Variants in GCNT1 observed in about 807,000 individuals in gnomAD.
The protein encoded by GCNT1 is glucosaminyl (N-acetyl) transferase 1.
Under a neutral mutation model 26.2 loss-of-function variants are expected in GCNT1, and 16 were observed. The observed-to-expected ratio is 0.61, with a 90% CI of 0.41 to 0.93. The LOEUF (loss-of-function observed/expected upper bound fraction) is 0.93, where lower values mean the gene tolerates loss of function less well. GCNT1 is among the 40% of genes least tolerant of loss of function. The pLI is 0.00. For synonymous variants in GCNT1, 183 were observed against 190.8 expected (o/e 0.96, Z 0.34); for missense variants, 477 against 526.7 (o/e 0.91, Z 0.92).
At chr9:76,455,642 C>G (rs1169733650), upstream of GCNT1, among the ~76,000 whole-genome samples, 1 of 151,916 alleles carries the variant, frequency 6.6e-6, no homozygotes. Context: ...TGCTCTGTCA[C>G]CCAGGCTGGA....
upstream of GCNT1, among the ~76,000 whole-genome samples, chr9:76,437,818 T>C (rs987282806): frequency 6.6e-6 from 1 of 152,164 alleles, no homozygotes; most frequent in African/African-American, 2.4e-5. Flanking sequence ...GGTGGCTATT[T>C]TGATATAGAG....
Position 76,462,924 on chromosome 9 carries a change from A to G in GCNT1, c.-290+2747A>G, listed in dbSNP as rs1587425910. ...ATAAAGTTTAAAAAGTTGAAAATGAAAAAGGAATTCTACGGTAGTTTTAAG... is the reference window on the plus strand; with the variant it reads ...ATAAAGTTTAAAAAGTTGAAAATGAGAAAGGAATTCTACGGTAGTTTTAAG... On this transcript the variant is annotated intron_variant, in intron 2 of 3. Transcript: ENST00000376730. Among the ~76,000 whole-genome samples, 5 of 152,226 alleles carry G rather than the reference A, an allele frequency of 3.3e-5. No homozygotes were observed. The East Asian group carries it at 7.7e-4, about 23-fold the overall frequency.
Position 76,496,476 on chromosome 9 carries a change from T to C in GCNT1, c.-289-4440T>C, listed in dbSNP as rs115390968. Among the ~76,000 whole-genome samples, 53 of 152,270 alleles carry C rather than the reference T, an allele frequency of 3.5e-4. 1 individual carries two copies. Among genetic ancestry groups the C allele is most frequent in the African/African-American group, 1.3e-3 (53 of 41,554 alleles). ...CAGTTTCCTCTCGTCCATCTGCTTTTCCAGTTTGATTTCTGCCTCCTGTCT... is the reference window on the plus strand; with the variant it reads ...CAGTTTCCTCTCGTCCATCTGCTTTCCCAGTTTGATTTCTGCCTCCTGTCT... On this transcript the variant is annotated intron_variant, in intron 2 of 3. Transcript: ENST00000376730.
At chr9:76,482,759 C>A (rs974518982) in intron 2 of GCNT1, among the ~76,000 whole-genome samples, 1 of 151,848 alleles carries the variant, frequency 6.6e-6, no homozygotes, top group Non-Finnish European at 1.5e-5. Context: ...ATCCTCCCAC[C>A]TCAGCCTCCT....
At chr9:76,417,920 A>C (rs974551776), upstream of GCNT1, among the ~76,000 whole-genome samples, 1 of 152,158 alleles carries the variant, frequency 6.6e-6, no homozygotes, top group Admixed American at 6.5e-5. Flanking sequence ...TGTTGATGAA[A>C]AGAGTGAAAC....
the GCNT1 span, among the ~76,000 whole-genome samples, chr9:76,403,087 A>G: frequency 6.6e-6 from 1 of 152,184 alleles, no homozygotes; most frequent in Non-Finnish European, 1.5e-5. Context: ...GTCAACTTCT[A>G]CCCACATGAG....
At chr9:76,461,993 C>T (rs184934395) in intron 2 of GCNT1, among the ~76,000 whole-genome samples, 14 of 152,264 alleles carry the variant, frequency 9.2e-5, no homozygotes, top group Admixed American at 6.5e-4. Flanking sequence ...TTATATTCTC[C>T]GATGAATGGA....
At chr9:76,448,496 A>T (rs537861142) in intron 1 of GCNT1, among the ~76,000 whole-genome samples, 2 of 152,272 alleles carry the variant, frequency 1.3e-5, no homozygotes, top group Admixed American at 6.5e-5. Context: ...GCATGGTTTA[A>T]TAAAATATAG....
intron 1 of GCNT1, among the ~76,000 whole-genome samples, chr9:76,449,970 G>A (rs1218290114): frequency 1.3e-5 from 2 of 151,832 alleles, no homozygotes; most frequent in South Asian, 2.1e-4. Flanking sequence ...ACAGGTTTTC[G>A]CCGTTTTGGC....
upstream of GCNT1, among the ~76,000 whole-genome samples, chr9:76,438,631 A>AT (rs1323661536): frequency 6.6e-6 from 1 of 151,976 alleles, no homozygotes; most frequent in Non-Finnish European, 1.5e-5. Flanking sequence ...TTAGAATTTA[A>AT]TTTTTTGTTT....
At position 76,506,800 on chromosome 9, in the gene GCNT1, T is replaced by G. The variant is rs902098109; in HGVS notation, c.*3132T>G. The G allele has an allele frequency of 2.4e-5, 4 of 167,040 alleles. No individual in the cohort carries two copies. The highest frequency in any genetic ancestry group is 4.4e-5 in the Non-Finnish European group (3 of 68,118). 10.3% of individuals were successfully genotyped at this position (167,040 alleles called of 1,614,324 possible). ...GTACAGTTCACTTAAATAACATAAG[T>G]AGATTTTCTCTTGTAGTGATTTGGG... On this transcript the variant is annotated 3_prime_UTR_variant, in exon 4 of 4. Coordinates refer to ENST00000376730, the MANE Select transcript of GCNT1 (RefSeq NM_001490.5).
At chr9:76,440,506 C>T (rs533782403), upstream of GCNT1, among the ~76,000 whole-genome samples, 3 of 152,248 alleles carry the variant, frequency 2.0e-5, no homozygotes, top group Admixed American at 6.5e-5. Context: ...CATCAGATTC[C>T]GGTCCTTTTC....
At chr9:76,402,135 CTT>C in the GCNT1 span, among the ~76,000 whole-genome samples, 2 of 152,186 alleles carry the variant, frequency 1.3e-5, no homozygotes, top group Non-Finnish European at 2.9e-5. Flanking sequence ...GCACCTTTGT[CTT>C]TGTAAATCTG....
chr9:76,481,430 C>T (rs1043640791), intron 2 of GCNT1, among the ~76,000 whole-genome samples: 1 of 150,082 alleles, frequency 6.7e-6, no homozygotes, highest in Non-Finnish European at 1.5e-5. Context: ...TTTTTAAGCT[C>T]ATCAGCTATT....
chr9:76,396,312 G>C, the GCNT1 span, among the ~76,000 whole-genome samples: 1 of 152,192 alleles, frequency 6.6e-6, no homozygotes, highest in Admixed American at 6.5e-5. Context: ...AAAATGGGCG[G>C]GGCATGGTGG....
In GCNT1 at chr9:76,499,569, C is replaced by T. The variant is rs376475049; in HGVS notation, c.-289-1347C>T. On this transcript the variant is annotated intron_variant, in intron 2 of 3. Transcript: ENST00000376730. ...TTCAAAATCCTTTGTCCTTGTCTTTCAACAGTTTGATTATGAAATGTCTAG... is the reference window on the plus strand; with the variant it reads ...TTCAAAATCCTTTGTCCTTGTCTTTTAACAGTTTGATTATGAAATGTCTAG... Among the ~76,000 whole-genome samples the T allele has an allele frequency of 4.6e-5, 7 of 152,138 alleles. No individual in the cohort carries two copies. In the East Asian group the frequency reaches 1.3e-3, roughly 29 times the overall value.
At chr9:76,397,687 A>T in the GCNT1 span, among the ~76,000 whole-genome samples, 1 of 152,036 alleles carries the variant, frequency 6.6e-6, no homozygotes, top group Non-Finnish European at 1.5e-5. Flanking sequence ...CAAGTGATCC[A>T]CCTTCCTCGG....
rs531177244 is a variant in GCNT1, at chr9:76,504,384, A to T, written c.*716A>T. ...TTAGCAAGGTTAAGACATCTTTTTT[A>T]AAAAAATTATAGCTTCTACCAAGAG... On this transcript the variant is annotated 3_prime_UTR_variant, in exon 4 of 4. Coordinates refer to ENST00000376730, the MANE Select transcript of GCNT1 (RefSeq NM_001490.5). 2.7e-5 allele frequency: 5 copies of T among 185,510 alleles called. No individual in the cohort carries two copies. Among genetic ancestry groups the T allele is most frequent in the East Asian group, 1.5e-4 (1 of 6,576 alleles). The allele number at this position is 185,510 out of a possible 1,614,324, so 11.5% of individuals were successfully genotyped here.
chr9:76,440,744 C>T (rs773049320), upstream of GCNT1, among the ~76,000 whole-genome samples: 65 of 152,216 alleles, frequency 4.3e-4, no homozygotes, highest in African/African-American at 7.2e-4. Context: ...CTTGGTTGCA[C>T]GTTAGAATCA....
Sources: allele counts gnomAD v4.1 joint callset (sites outside exome capture counted in the v4.1 genomes callset), GRCh38; gene constraint gnomAD v4.1.1; transcripts MANE v1.5; gene names NCBI Gene and HGNC (gene_info 2026-07-23, HGNC 2026-07-21).